The following OPTN variants were observed in gnomAD, a reference collection of about 807,000 sequenced individuals.
The protein encoded by OPTN is E3-14.7K-interacting protein.
In OPTN, 54 loss-of-function variants were observed where a neutral mutation model predicts 70.4. The ratio of observed to expected loss-of-function variants is 0.77; its 90% confidence interval spans 0.62 to 0.96. The LOEUF (loss-of-function observed/expected upper bound fraction) is 0.96, where lower values mean the gene tolerates loss of function less well. OPTN is among the 40% of genes least tolerant of loss of function. OPTN has a pLI of 0.00. For missense variants in OPTN, 624 were observed against 673.2 expected, an observed-to-expected ratio of 0.93 and a Z score of 0.81; for synonymous variants, 256 against 248.5, an observed-to-expected ratio of 1.03 and a Z score of -0.28.
intron 1 of OPTN, among the ~76,000 whole-genome samples, chr10:13,102,813 T>C (rs969165704): frequency 1.1e-4 from 16 of 151,990 alleles, no homozygotes; most frequent in Admixed American, 5.9e-4. Flanking sequence ...AATGGTGGCA[T>C]GCACCTGTAA....
chr10:13,107,917 A>G (rs1337531133), intron 1 of OPTN, among the ~76,000 whole-genome samples: 1 of 152,132 alleles, frequency 6.6e-6, no homozygotes, highest in Non-Finnish European at 1.5e-5. Flanking sequence ...GTGCTGAAAC[A>G]TGTTTGCCTG....
intron 1 of OPTN, among the ~76,000 whole-genome samples, chr10:13,103,936 A>C (rs1182343298): frequency 6.6e-6 from 1 of 152,232 alleles, no homozygotes; most frequent in Non-Finnish European, 1.5e-5. Flanking sequence ...TAGAAATAAC[A>C]TACTTCACAT....
intron 3 of OPTN, 105 bp downstream of exon 3, chr10:13,109,393 T>G (rs1402175077): frequency 1.7e-6 from 2 of 1,176,148 alleles, no homozygotes; most frequent in Non-Finnish European, 2.5e-6. Flanking sequence ...CCCGTTTCCA[T>G]AGGTGGTAGC....
chr10:13,116,333 A>T lies in OPTN; in HGVS notation c.619A>T (p.Thr207Ser), dbSNP rs750995656. The T allele has an allele frequency of 1.2e-6, 2 of 1,612,286 alleles. No individual in the cohort carries two copies. Among genetic ancestry groups the T allele is most frequent in the East Asian group, 4.5e-5 (2 of 44,874 alleles). ...HSPGPTRTVS[T>S]GTALSKYRSR... ...TCCTGGGCCCACGAGAACAGTCTCC[A>T]CTGGCACGTATGTGAAGGAAGACTC... is the stretch of plus-strand genomic sequence containing the variant. Residue 207 changes from threonine to serine, a missense_variant, in exon 6 of 15, where the codon ACT (threonine) becomes TCT (serine). Thr to Ser is a moderately conservative substitution (Grantham distance 58). Transcript: ENST00000378747.
chr10:13,125,839 A>T, intron 10 of OPTN, 107 bp from the exon 11 acceptor site: 1 of 865,664 alleles, frequency 1.2e-6, no homozygotes, highest in Non-Finnish European at 1.9e-6. Flanking sequence ...TGATAAAGGT[A>T]GGCGAGAAGA....
intron 6 of OPTN, among the ~76,000 whole-genome samples, chr10:13,117,482 G>T (rs1480020636): frequency 8.1e-6 from 1 of 123,742 alleles, no homozygotes; most frequent in Non-Finnish European, 1.6e-5. Flanking sequence ...GTTTCACTCT[G>T]CCACTGAGGC....
Position 13,133,588 on chromosome 10 carries a change from C to G in OPTN, c.1612+7C>G, listed in dbSNP as rs763098717. The stretch of plus-strand genomic sequence containing the variant: ...GCTTACCTTGTTCAAAGAGGTGAGT[C>G]CCGTGTGATCCTGGATTTTCAGGAA... On this transcript the variant is annotated splice_region_variant and intron_variant, in intron 14 of 14. Transcript: ENST00000378747. 4 of 1,612,442 alleles carry G rather than the reference C, an allele frequency of 2.5e-6. No individual in the cohort carries two copies. In the Admixed American group the frequency reaches 6.7e-5, roughly 27 times the overall value.
Position 13,109,288 on chromosome 10 carries a change from G to C in OPTN, c.166G>C (p.Glu56Gln). The change falls in exon 3 of 15, where the codon GAA (glutamate) becomes CAA (glutamine). Residue 56 changes from glutamate (E) to glutamine (Q), a missense_variant and splice_region_variant. Transcript: ENST00000378747. ...ELLTENHQLK[E>Q]AMKLNNQAMK... ...CCTGACCGAGAACCACCAGCTGAAA[G>C]GTGAGCAGGGCTGGCCCCTGTGTGC... The C allele has an allele frequency of 6.2e-7, 1 of 1,613,902 alleles. No homozygotes were observed. Among genetic ancestry groups the C allele is most frequent in the Non-Finnish European group, 8.5e-7 (1 of 1,179,920 alleles).
At chr10:13,109,383 C>A in intron 3 of OPTN, 95 bp downstream of exon 3, 1 of 1,295,700 alleles carries the variant, frequency 7.7e-7, no homozygotes. Context: ...CTCCCTTCTC[C>A]CCGTTTCCAT....
At chr10:13,125,710 A>G in intron 10 of OPTN, 143 bp downstream of exon 10, 1 of 950,042 alleles carries the variant, frequency 1.1e-6, no homozygotes, top group Admixed American at 2.6e-5. Context: ...GACCTCTCAG[A>G]GAGGGGGATA....
At chr10:13,134,484 G>C (rs1399032888) in intron 14 of OPTN, among the ~76,000 whole-genome samples, 3 of 152,120 alleles carry the variant, frequency 2.0e-5, no homozygotes, top group Non-Finnish European at 4.4e-5. Flanking sequence ...CCAGGCTGGA[G>C]TGCAGTGGCA....
At chr10:13,121,894 C>G (rs1833359987) in intron 7 of OPTN, among the ~76,000 whole-genome samples, 1 of 152,148 alleles carries the variant, frequency 6.6e-6, no homozygotes, top group Non-Finnish European at 1.5e-5. Flanking sequence ...ACCACAGTCT[C>G]TTGTTTCATT....
chr10:13,124,158 A>T, intron 9 of OPTN, 48 bp downstream of exon 9: 1 of 1,033,986 alleles, frequency 9.7e-7, no homozygotes, highest in Non-Finnish European at 1.5e-6. Context: ...ATACATTTTT[A>T]CAAAGTATAC....
At chr10:13,105,602 G>T (rs1327226055) in intron 1 of OPTN, among the ~76,000 whole-genome samples, 1 of 152,116 alleles carries the variant, frequency 6.6e-6, no homozygotes, top group East Asian at 1.9e-4. Flanking sequence ...TGTAGGCTTG[G>T]TGGAGGCATA....
chr10:13,126,155 T>G (rs528531358), intron 11 of OPTN, 116 bp downstream of exon 11: 1 of 705,110 alleles, frequency 1.4e-6, no homozygotes, highest in South Asian at 1.6e-5. Context: ...AAGGTTGTTT[T>G]CCAATGTATC....
intron 12 of OPTN, among the ~76,000 whole-genome samples, chr10:13,129,814 T>C (rs1193498696): frequency 6.6e-6 from 1 of 152,228 alleles, no homozygotes; most frequent in Admixed American, 6.5e-5. Context: ...AACATATTAT[T>C]TTTAATATAA....
At chr10:13,125,297 T>C in intron 9 of OPTN, 121 bp from the exon 10 acceptor site, 2 of 1,023,622 alleles carry the variant, frequency 2.0e-6, no homozygotes, top group Admixed American at 2.0e-5. Context: ...TATTTCATTT[T>C]GCATTCATAA....
At chr10:13,110,938 G>T (rs1263345919) in intron 4 of OPTN, among the ~76,000 whole-genome samples, 1 of 152,210 alleles carries the variant, frequency 6.6e-6, no homozygotes, top group Non-Finnish European at 1.5e-5. Context: ...TTTGGAAAAT[G>T]TCATGTTGTG....
intron 5 of OPTN, among the ~76,000 whole-genome samples, chr10:13,115,039 T>A (rs370440352): frequency 4.7e-3 from 57 of 12,192 alleles, no homozygotes; most frequent in African/African-American, 0.014. Flanking sequence ...TTATATATTT[T>A]TATATATAGA....
Sources: allele counts gnomAD v4.1 joint callset (sites outside exome capture counted in the v4.1 genomes callset), GRCh38; gene constraint gnomAD v4.1.1; transcripts MANE v1.5; gene names NCBI Gene and HGNC (gene_info 2026-07-23, HGNC 2026-07-21).